Variants in MAGI2 observed in about 807,000 individuals in gnomAD.
MAGI2 encodes the protein membrane associated guanylate kinase, WW and PDZ domain containing 2.
A neutral mutation model predicts 133.3 loss-of-function variants in MAGI2; 35 were observed. The observed-to-expected ratio is 0.26, with a 90% CI of 0.20 to 0.35. The LOEUF is 0.35. MAGI2 is among the 10% of genes least tolerant of loss of function. The probability of loss-of-function intolerance (pLI) is 1.00; values close to 1 mark genes in which losing one functional copy is unlikely to be tolerated. For missense variants in MAGI2, 1,636 were observed against 1,863.4 expected (o/e 0.88, Z 2.25); for synonymous variants, 729 against 710.6 (o/e 1.03, Z -0.41).
chr7:79,238,841 C>G (rs1183055087), intron 1 of MAGI2, among the ~76,000 whole-genome samples: 1 of 151,928 alleles, frequency 6.6e-6, no homozygotes, highest in Non-Finnish European at 1.5e-5. Flanking sequence ...AATATTATTA[C>G]TTAAAGAGAA....
chr7:78,555,170 A>AAATGAATGAATG (rs373305724), intron 3 of MAGI2, among the ~76,000 whole-genome samples: 8 of 66,210 alleles, frequency 1.2e-4, no homozygotes, highest in African/African-American at 2.4e-4. Flanking sequence ...ATAAATAAAT[A>AAATGAATGAATG]AATGAATGAT....
At chr7:78,306,871 G>A (rs1342377233) in intron 9 of MAGI2, among the ~76,000 whole-genome samples, 2 of 152,078 alleles carry the variant, frequency 1.3e-5, no homozygotes, top group Admixed American at 6.6e-5. Context: ...TTACAAATGA[G>A]AAATTTCTGA....
rs114061116 is a variant in MAGI2, at chr7:78,178,947, G to A, written c.2312-845C>T. ...CCTGAATGTCATTTTTTCAGCCTTAGAAGAAACTAAAACTATTAAATATAA... is the reference window on the plus strand; with the variant it reads ...CCTGAATGTCATTTTTTCAGCCTTAAAAGAAACTAAAACTATTAAATATAA... On this transcript the variant is annotated intron_variant, in intron 13 of 21. Transcript: ENST00000354212. Among the ~76,000 whole-genome samples, 1,064 of 152,244 alleles carry A rather than the reference G, an allele frequency of 7.0e-3. 11 individuals are homozygous for A. Among genetic ancestry groups the A allele is most frequent in the African/African-American group, 0.024 (999 of 41,536 alleles).
At chr7:79,397,217 T>C (rs1223589292) in intron 1 of MAGI2, among the ~76,000 whole-genome samples, 1 of 149,568 alleles carries the variant, frequency 6.7e-6, no homozygotes, top group African/African-American at 2.4e-5. Flanking sequence ...TTTATATATG[T>C]ATATATGCGT....
intron 1 of MAGI2, among the ~76,000 whole-genome samples, chr7:79,063,761 C>T (rs1233223796): frequency 1.3e-5 from 2 of 152,006 alleles, no homozygotes; most frequent in African/African-American, 2.4e-5. Context: ...CAAATTAAAA[C>T]GTTAACACAA....
Position 78,178,199 on chromosome 7 carries a change from G to A in MAGI2, c.2312-97C>T, listed in dbSNP as rs1195651919. 48 of 757,236 alleles carry A rather than the reference G, an allele frequency of 6.3e-5. No homozygotes were observed. The East Asian group carries it at 9.6e-4, about 15-fold the overall frequency. The allele number at this position is 757,236 out of a possible 1,614,324, so 46.9% of individuals were successfully genotyped here. On this transcript the variant is annotated intron_variant, in intron 13 of 21. Transcript: ENST00000354212. The stretch of plus-strand genomic sequence containing the variant: ...AATGATAAATTAATTTTGTGGATGC[G>A]ATTAATGAGAGTGCTGTTAGGGTCA...
chr7:78,219,746 T>C (rs1788624947), intron 10 of MAGI2, among the ~76,000 whole-genome samples: 1 of 152,226 alleles, frequency 6.6e-6, no homozygotes, highest in African/African-American at 2.4e-5. Flanking sequence ...TGCAAATTTG[T>C]CCATTCCATC....
chr7:78,130,797 G>A (rs1821489578), intron 18 of MAGI2, among the ~76,000 whole-genome samples: 1 of 152,184 alleles, frequency 6.6e-6, no homozygotes, highest in South Asian at 2.1e-4. Context: ...ATAAACATTT[G>A]GATTAGGTCA....
chr7:78,854,887 C>T (rs1430436492), intron 2 of MAGI2, among the ~76,000 whole-genome samples: 1 of 151,480 alleles, frequency 6.6e-6, no homozygotes, highest in Admixed American at 6.6e-5. Context: ...GACGGAGTCT[C>T]GCTCTGTCAC....
At chr7:78,888,816 C>G (rs6949646) in intron 2 of MAGI2, among the ~76,000 whole-genome samples, 78,714 of 151,982 alleles carry the variant, frequency 0.52, 21,997 homozygotes, top group South Asian at 0.69. Context: ...CTAAAAATCA[C>G]AGTGCCTCTC....
chr7:78,890,212 C>A (rs1796626482), intron 2 of MAGI2, among the ~76,000 whole-genome samples: 1 of 152,238 alleles, frequency 6.6e-6, no homozygotes, highest in South Asian at 2.1e-4. Flanking sequence ...TACAGGAGCA[C>A]CCAGATTCAT....
chr7:78,944,738 TTTAC>T (rs1554614040), intron 2 of MAGI2, among the ~76,000 whole-genome samples: 63 of 105,758 alleles, frequency 6.0e-4, no homozygotes, highest in Non-Finnish European at 6.5e-4. Flanking sequence ...TATTTATTTA[TTTAC>T]TTATTTATTT....
At chr7:79,272,610 A>C (rs1315200057) in intron 1 of MAGI2, among the ~76,000 whole-genome samples, 1 of 152,130 alleles carries the variant, frequency 6.6e-6, no homozygotes, top group African/African-American at 2.4e-5. Flanking sequence ...CAATGCACTG[A>C]GCCCTCTTTA....
At chr7:78,976,367 A>C (rs1804248581) in intron 2 of MAGI2, among the ~76,000 whole-genome samples, 1 of 151,570 alleles carries the variant, frequency 6.6e-6, no homozygotes, top group South Asian at 2.1e-4. Flanking sequence ...CATTTGACAA[A>C]ATACAACATC....
At chr7:78,057,185 A>G (rs192243281) in intron 21 of MAGI2, among the ~76,000 whole-genome samples, 2 of 152,104 alleles carry the variant, frequency 1.3e-5, no homozygotes, top group East Asian at 3.9e-4. Context: ...TCCCACAAAC[A>G]GAACACAAGA....
chr7:79,068,135 G>T (rs1375369348), intron 1 of MAGI2, among the ~76,000 whole-genome samples: 1 of 152,168 alleles, frequency 6.6e-6, no homozygotes, highest in Non-Finnish European at 1.5e-5. Flanking sequence ...GAGTTGGGAG[G>T]ATTCCCTCTT....
At chr7:78,820,073 G>A (rs1026575822) in intron 2 of MAGI2, among the ~76,000 whole-genome samples, 1 of 151,836 alleles carries the variant, frequency 6.6e-6, no homozygotes, top group African/African-American at 2.4e-5. Context: ...CTTGGTCATC[G>A]ATTGTTAGTG....
chr7:79,226,548 A>G (rs781689354), intron 1 of MAGI2, among the ~76,000 whole-genome samples: 3 of 152,186 alleles, frequency 2.0e-5, no homozygotes, highest in African/African-American at 2.4e-5. Flanking sequence ...TAAATAAAAT[A>G]AAAATACATT....
chr7:79,185,186 T>G (rs1826968291), intron 1 of MAGI2, among the ~76,000 whole-genome samples: 1 of 151,822 alleles, frequency 6.6e-6, no homozygotes, highest in South Asian at 2.1e-4. Context: ...AATAATGAGT[T>G]TGACAATTTC....
Sources: allele counts gnomAD v4.1 joint callset (sites outside exome capture counted in the v4.1 genomes callset), GRCh38; gene constraint gnomAD v4.1.1; transcripts MANE v1.5; gene names NCBI Gene and HGNC (gene_info 2026-07-23, HGNC 2026-07-21).